The following MUC5AC variants were observed in gnomAD, a reference collection of about 807,000 sequenced individuals.
The protein encoded by MUC5AC is mucin 5AC, oligomeric mucus/gel-forming, also known as mucin-5AC.
Under a neutral mutation model 169.7 loss-of-function variants are expected in MUC5AC, and 158 were observed. That is an observed-to-expected ratio of 0.93 (90% CI 0.82 to 1.06). MUC5AC has a LOEUF of 1.06. MUC5AC is among the 50% of genes least tolerant of loss of function. The pLI is 0.00. For missense variants in MUC5AC, 4,359 were observed against 3,089.9 expected (o/e 1.41, Z -9.74); for synonymous variants, 1,975 against 1,237.0 (o/e 1.60, Z -12.52).
chr11:1,162,303 C>A, intron 4 of MUC5AC, 135 bp downstream of exon 4: 1 of 1,362,642 alleles, frequency 7.3e-7, no homozygotes, highest in Non-Finnish European at 9.8e-7. Context: ...GGACATGGGC[C>A]CTCCCTCGTC....
In MUC5AC at chr11:1,189,598, C is replaced by G. The variant is rs1307502036; in HGVS notation, c.11453C>G (p.Thr3818Ser). 1.6e-6 allele frequency: 1 copy of G among 612,096 alleles called. No homozygotes were observed. The highest frequency in any genetic ancestry group is 1.9e-5 in the African/African-American group (1 of 53,992). 37.9% of individuals were successfully genotyped at this position (612,096 alleles called of 1,614,324 possible). Residue 3818 changes from threonine (T) to serine (S), a missense_variant, in exon 31 of 49, where the codon ACT becomes AGT. Thr to Ser is a moderately conservative substitution (Grantham distance 58). Coordinates refer to ENST00000621226, the MANE Select transcript of MUC5AC (RefSeq NM_001304359.2). ...ISSPTTSTTS[T>S]PQTSTTSSPT... Reference sequence around the variant, plus strand: ...TCCCCTACAACCAGCACAACCTCCACTCCGCAGACCAGCACAACCTCTTCC... The same window carrying G: ...TCCCCTACAACCAGCACAACCTCCAGTCCGCAGACCAGCACAACCTCTTCC...
intron 48 of MUC5AC, 84 bp downstream of exon 48, chr11:1,200,053 CGAGGGGCAGGACCAT>C: frequency 1.6e-6 from 1 of 644,750 alleles, no homozygotes. Context: ...GCCAGATAGA[CGAGGGGCAGGACCAT>C]GAGGGGCCAG....
rs374896880 is a variant in MUC5AC at position 1,198,894 on chromosome 11, G to A, written c.16194G>A (p.Ser5398=). The part of the protein sequence containing the change: ...TLYQPGAVVS[S]SLCETCRCEL... ...CCCAGCCCGGCGCCGTGGTCTCCTC[G>A]AGCCTGTGCGAAACCTGCAGGTGTG... Residue 5398 remains serine (S), a synonymous_variant, in exon 44 of 49, where the codon TCG becomes TCA. Coordinates refer to ENST00000621226, the MANE Select transcript of MUC5AC (RefSeq NM_001304359.2). 93 of 754,040 alleles carry A rather than the reference G, an allele frequency of 1.2e-4. 3 individuals carry two copies. The Admixed American group carries it at 1.3e-3, about 11-fold the overall frequency. The allele number at this position is 754,040 out of a possible 1,614,324, so 46.7% of individuals were successfully genotyped here.
Position 1,190,306 on chromosome 11 carries a change from C to T in MUC5AC, c.12161C>T (p.Pro4054Leu), listed in dbSNP as rs1861055614. 1.5e-5 allele frequency: 10 copies of T among 686,592 alleles called. No individual in the cohort carries two copies. The highest frequency in any genetic ancestry group is 5.3e-6 in the Non-Finnish European group (2 of 379,772). The allele number at this position is 686,592 out of a possible 1,614,324, so 42.5% of individuals were successfully genotyped here. A position where few individuals can be genotyped will look rare whatever the true frequency, so the allele number is the denominator to read the frequency against. ...GTGCGTGTGCTCTGCTGCGAGACCCCCAAAGGCTGCCCCGTGACCTCCACA... is the reference window on the plus strand; with the variant it reads ...GTGCGTGTGCTCTGCTGCGAGACCCTCAAAGGCTGCCCCGTGACCTCCACA... ...YEVRVLCCET[P>L]KGCPVTSTPV... Residue 4054 changes from proline (P) to leucine (L), a missense_variant, in exon 31 of 49, where the codon CCC becomes CTC. Physicochemically the swap from Pro to Leu is moderately conservative, Grantham distance 98. Transcript: ENST00000621226.
In MUC5AC at chr11:1,189,952, G is replaced by C. The variant is rs1473001483; in HGVS notation, c.11807G>C (p.Ser3936Thr). ...STASVSKTST[S>T]HVSVSKTTHS... ...GCCTCTGTTTCAAAGACCAGCACAA[G>C]CCATGTTTCTGTATCCAAGACAACC... The change falls in exon 31 of 49, where the codon AGC becomes ACC. Residue 3936 changes from serine (S) to threonine (T), a missense_variant. By Grantham distance (58) the Ser-to-Thr change is moderately conservative. Transcript: ENST00000621226. 1.1e-4 allele frequency: 79 copies of C among 735,658 alleles called. No individual in the cohort carries two copies. The East Asian group carries it at 1.1e-3, about 11-fold the overall frequency. 45.6% of individuals were successfully genotyped at this position (735,658 alleles called of 1,614,324 possible).
At chr11:1,170,978 C>CCCACTCACCTACTCACTCACCCACATTCA (rs1232249122) in intron 15 of MUC5AC, among the ~76,000 whole-genome samples, 1 of 27,362 alleles carries the variant, frequency 3.7e-5, no homozygotes, top group Non-Finnish European at 9.2e-5. Flanking sequence ...CACCCATTCA[C>CCCACTCACCTACTCACTCACCCACATTCA]CCCACTCACC....
chr11:1,181,353 C>G lies in MUC5AC; in HGVS notation c.3903C>G (p.Ile1301Met), dbSNP rs1362668102. Residue 1301 changes from isoleucine (I) to methionine (M), a missense_variant, in exon 30 of 49, where the codon ATC (isoleucine) becomes ATG (methionine). By Grantham distance (10) the Ile-to-Met change is conservative (BLOSUM62 1). Coordinates refer to ENST00000621226, the MANE Select transcript of MUC5AC (RefSeq NM_001304359.2). ...CGACGGATGGCACGGGTGGCTGCAT[C>G]TCCGCCCGCTGCGGGGCCAACGGCA... Reference protein sequence around the residue: ...YHTTDGTGGCISARCGANGTI... With the variant: ...YHTTDGTGGCMSARCGANGTI... 3 of 398,640 alleles carry G rather than the reference C, an allele frequency of 7.5e-6. No individual in the cohort carries two copies. The highest frequency in any genetic ancestry group is 2.1e-5 in the African/African-American group (1 of 48,622). 24.7% of individuals were successfully genotyped at this position (398,640 alleles called of 1,614,324 possible).
At position 1,196,522 on chromosome 11, in the gene MUC5AC, C is replaced by G. The variant is rs757900965; in HGVS notation, c.15725+47C>G. Reference sequence around the variant, plus strand: ...CCTGCCATGGGCTGCTGGAGCCACCCAGTCCCCAGCCTCCCGCTGCATCTC... The same window carrying G: ...CCTGCCATGGGCTGCTGGAGCCACCGAGTCCCCAGCCTCCCGCTGCATCTC... On this transcript the variant is annotated intron_variant, in intron 38 of 48. Transcript: ENST00000621226. 5 of 764,540 alleles carry G rather than the reference C, an allele frequency of 6.5e-6. No homozygotes were observed. In the South Asian group the frequency reaches 6.7e-5, roughly 10 times the overall value. The allele number at this position is 764,540 out of a possible 1,614,324, so 47.4% of individuals were successfully genotyped here. A position where few individuals can be genotyped will look rare whatever the true frequency, so the allele number is the denominator to read the frequency against.
rs1037534788 is a variant in MUC5AC at position 1,172,425 on chromosome 11, A to G, written c.1871-4A>G. 1.8e-5 allele frequency: 7 copies of G among 398,518 alleles called. No individual in the cohort carries two copies. Among genetic ancestry groups the G allele is most frequent in the African/African-American group, 4.1e-5 (2 of 48,626 alleles). 24.7% of individuals were successfully genotyped at this position (398,518 alleles called of 1,614,324 possible). A position where few individuals can be genotyped will look rare whatever the true frequency, so the allele number is the denominator to read the frequency against. On this transcript the variant is annotated splice_region_variant and splice_polypyrimidine_tract_variant and intron_variant, in intron 15 of 48. Transcript: ENST00000621226. ...TCCTAACCCTATCCCTCCTCTGTCC[A>G]CAGAGAAGTATGCTCAGCACTGGTG...
rs1415077113 is a variant in MUC5AC, at chr11:1,190,958, C to G, written c.12813C>G (p.Thr4271=). 5.4e-6 allele frequency: 4 copies of G among 734,958 alleles called. No individual in the cohort carries two copies. The highest frequency in any genetic ancestry group is 1.8e-5 in the African/African-American group (1 of 54,406). The allele number at this position is 734,958 out of a possible 1,614,324, so 45.5% of individuals were successfully genotyped here. Residue 4271 remains threonine (T), a synonymous_variant, in exon 31 of 49, where the codon ACC becomes ACG. Coordinates refer to ENST00000621226, the MANE Select transcript of MUC5AC (RefSeq NM_001304359.2). ...CCAGTACAACCTCTGCTGCTACAAC[C>G]AGCACAACCTCTGCTCCTACAACCA... ...PSTSTTSAAT[T]STTSAPTTRT...
In MUC5AC at chr11:1,178,694, C is replaced by T. The variant is rs1339796847; in HGVS notation, c.3327+11C>T. On this transcript the variant is annotated intron_variant, in intron 25 of 48. Transcript: ENST00000621226. Reference sequence around the variant, plus strand: ...GCCTGCCACGCACACGTATGCTGGCCGGGGGGCGTTTCTCTGGGCCCAAGG... The same window carrying T: ...GCCTGCCACGCACACGTATGCTGGCTGGGGGGCGTTTCTCTGGGCCCAAGG... 12 of 1,258,130 alleles carry T rather than the reference C, an allele frequency of 9.5e-6. No homozygotes were observed. Among genetic ancestry groups the T allele is most frequent in the Middle Eastern group, 2.5e-4 (1 of 3,998 alleles). The allele number at this position is 1,258,130 out of a possible 1,614,324, so 77.9% of individuals were successfully genotyped here. A position where few individuals can be genotyped will look rare whatever the true frequency, so the allele number is the denominator to read the frequency against.
Position 1,176,513 on chromosome 11 carries a change from G to A in MUC5AC, c.2503-1G>A, listed in dbSNP as rs1354232097. 1.3e-5 allele frequency: 5 copies of A among 399,404 alleles called. No homozygotes were observed. The highest frequency in any genetic ancestry group is 1.0e-4 in the African/African-American group (5 of 48,654). 24.7% of individuals were successfully genotyped at this position (399,404 alleles called of 1,614,324 possible). On this transcript the variant is annotated splice_acceptor_variant, in intron 20 of 48. Transcript: ENST00000621226. LOFTEE classifies it high-confidence loss of function. ...CTCAGTGGTGTCTGCTGGCCCTGCA[G>A]TACAGCCCCCAGTGTGTGCCTGGCT...
chr11:1,161,820 G>A (rs1860148796), intron 3 of MUC5AC, 87 bp from the exon 4 acceptor site: 2 of 1,506,106 alleles, frequency 1.3e-6, no homozygotes, highest in Non-Finnish European at 1.8e-6. Context: ...GGACCCTGGG[G>A]AGGGGCAGGA....
At position 1,184,437 on chromosome 11, in the gene MUC5AC, C is replaced by A; in HGVS notation, c.6292C>A (p.Pro2098Thr). 1 of 569,692 alleles carries A rather than the reference C, an allele frequency of 1.8e-6. No individual in the cohort carries two copies. Among genetic ancestry groups the A allele is most frequent in the East Asian group, 2.8e-5 (1 of 35,226 alleles). The allele number at this position is 569,692 out of a possible 1,614,324, so 35.3% of individuals were successfully genotyped here. ...EQPTATSRGGPTATSVTQGTH... is the reference protein window; with the variant it reads ...EQPTATSRGGTTATSVTQGTH... The stretch of plus-strand genomic sequence containing the variant: ...ACCCACGGCAACCTCCAGGGGTGGG[C>A]CCACAGCAACCAGCGTCACACAGGG... Residue 2098 changes from proline (P) to threonine (T), a missense_variant, in exon 31 of 49, where the codon CCC becomes ACC. Physicochemically the swap from Pro to Thr is conservative, Grantham distance 38. Coordinates refer to ENST00000621226, the MANE Select transcript of MUC5AC (RefSeq NM_001304359.2).
rs118196321 is a variant in MUC5AC at position 1,180,421 on chromosome 11, C to T, written c.3681C>T (p.Thr1227=). The T allele has an allele frequency of 5.0e-6, 2 of 398,790 alleles. No individual in the cohort carries two copies. Among genetic ancestry groups the T allele is most frequent in the African/African-American group, 4.1e-5 (2 of 48,770 alleles). The allele number at this position is 398,790 out of a possible 1,614,324, so 24.7% of individuals were successfully genotyped here. A position where few individuals can be genotyped will look rare whatever the true frequency, so the allele number is the denominator to read the frequency against. Residue 1227 remains threonine, a synonymous_variant, in exon 28 of 49, where the codon ACC becomes ACT. Coordinates refer to ENST00000621226, the MANE Select transcript of MUC5AC (RefSeq NM_001304359.2). ...AGGACAAGATGCAGTGTGTGGCCAC[C>T]TGCCCAACCCCGCCTCTGCCACCAC... The part of the protein sequence containing the change: ...FDEDKMQCVA[T]CPTPPLPPRC...
rs373230615 is a variant in MUC5AC at position 1,198,933 on chromosome 11, C to A, written c.16233C>A (p.Gly5411=). 1.3e-6 allele frequency: 1 copy of A among 761,728 alleles called. No individual in the cohort carries two copies. The allele number at this position is 761,728 out of a possible 1,614,324, so 47.2% of individuals were successfully genotyped here. Residue 5411 remains glycine, a synonymous_variant, in exon 44 of 49, where the codon GGC becomes GGA. Coordinates refer to ENST00000621226, the MANE Select transcript of MUC5AC (RefSeq NM_001304359.2). ...CETCRCELPG[G]PPSDAFVVSC... ...CCTGCAGGTGTGAGCTGCCGGGTGG[C>A]CCCCCATCGGACGCGTTTGTGGTCA...
In MUC5AC at chr11:1,197,584, C is replaced by T. The variant is rs56138795; in HGVS notation, c.15978C>T (p.Phe5326=). The T allele has an allele frequency of 7.2e-5, 52 of 723,618 alleles. No homozygotes were observed. The highest frequency in any genetic ancestry group is 3.8e-4 in the South Asian group (26 of 68,932). The allele number at this position is 723,618 out of a possible 1,614,324, so 44.8% of individuals were successfully genotyped here. Residue 5326 remains phenylalanine (F), a synonymous_variant, in exon 41 of 49, where the codon TTC becomes TTT. Coordinates refer to ENST00000621226, the MANE Select transcript of MUC5AC (RefSeq NM_001304359.2). ...CCCCTGCCTGCCCCCTGCCCGGCTTCGTGCCTGTGCCTGCAGCCCCACAGG... is the reference window on the plus strand; with the variant it reads ...CCCCTGCCTGCCCCCTGCCCGGCTTTGTGCCTGTGCCTGCAGCCCCACAGG... ...PLPPACPLPG[F]VPVPAAPQAG...
chr11:1,200,517 C>A lies in MUC5AC; in HGVS notation c.16780C>A (p.Leu5594Met), dbSNP rs763876116. The change falls in exon 49 of 49, where the codon CTG becomes ATG. Residue 5594 changes from leucine to methionine, a missense_variant. By Grantham distance (15) the Leu-to-Met change is conservative. Coordinates refer to ENST00000621226, the MANE Select transcript of MUC5AC (RefSeq NM_001304359.2). ...ELRTSLRNVT[L>M]HCTDGSSRAF... ...GCGGACCTCGCTGAGGAATGTGACCCTGCACTGCACCGACGGCTCCAGCCG... is the reference window on the plus strand; with the variant it reads ...GCGGACCTCGCTGAGGAATGTGACCATGCACTGCACCGACGGCTCCAGCCG... The A allele has an allele frequency of 2.6e-6, 2 of 758,920 alleles. No individual in the cohort carries two copies. The highest frequency in any genetic ancestry group is 1.7e-5 in the African/African-American group (1 of 58,986). The allele number at this position is 758,920 out of a possible 1,614,324, so 47.0% of individuals were successfully genotyped here.
chr11:1,193,791 C>T lies in MUC5AC; in HGVS notation c.14755+132C>T, dbSNP rs1286967391. ...TGGGTGGGACAGCAGGAAGGACTTC[C>T]CAGCATCAAGGCGGGGCCGCATGGG... On this transcript the variant is annotated intron_variant, in intron 33 of 48. Transcript: ENST00000621226. 3 of 639,832 alleles carry T rather than the reference C, an allele frequency of 4.7e-6. No homozygotes were observed. In the African/African-American group the frequency reaches 5.4e-5, roughly 11 times the overall value. The allele number at this position is 639,832 out of a possible 1,614,324, so 39.6% of individuals were successfully genotyped here.
Sources: allele counts gnomAD v4.1 joint callset (sites outside exome capture counted in the v4.1 genomes callset), GRCh38; gene constraint gnomAD v4.1.1; transcripts MANE v1.5; gene names NCBI Gene and HGNC (gene_info 2026-07-23, HGNC 2026-07-21).